The following CYP20A1 variants were observed in gnomAD, a reference collection of about 807,000 sequenced individuals.
CYP20A1 encodes cytochrome P450 20A1.
In CYP20A1, 61 loss-of-function variants were observed where a neutral mutation model predicts 61.4. That is an observed-to-expected ratio of 0.99 (90% CI 0.81 to 1.23). CYP20A1 has a LOEUF of 1.23. Ranked by LOEUF, CYP20A1 falls within the 50% of genes most tolerant of loss-of-function variation. The pLI, the probability that CYP20A1 is intolerant of heterozygous loss-of-function variation, is 0.00. For missense variants in CYP20A1, 530 were observed against 542.4 expected (o/e 0.98, Z 0.23); for synonymous variants, 193 against 188.2 (o/e 1.03, Z -0.21).
At position 203,257,857 on chromosome 2, in the gene CYP20A1, A is replaced by G. The variant is rs142439043; in HGVS notation, c.432+5748A>G. ...TTTATGGGGTACATGAGGTATTTTG[A>G]TACAGACATACAATGTGTAATAATC... is the stretch of plus-strand genomic sequence containing the variant. On this transcript the variant is annotated intron_variant, in intron 4 of 12. Transcript: ENST00000356079. Among the ~76,000 whole-genome samples the G allele has an allele frequency of 3.2e-3, 261 of 81,444 alleles. 2 individuals carry two copies. Among genetic ancestry groups the G allele is most frequent in the African/African-American group, 7.4e-3 (232 of 31,426 alleles). 53.4% of individuals were successfully genotyped at this position (81,444 alleles called of 152,430 possible).
intron 5 of CYP20A1, among the ~76,000 whole-genome samples, chr2:203,270,076 AC>A (rs1002561471): frequency 2.0e-5 from 3 of 148,454 alleles, no homozygotes; most frequent in African/African-American, 7.4e-5. Context: ...ACATGACAAA[AC>A]CCCATCTTTG....
At chr2:203,268,166 C>G (rs1389992242) in intron 5 of CYP20A1, among the ~76,000 whole-genome samples, 1 of 152,112 alleles carries the variant, frequency 6.6e-6, no homozygotes, top group Admixed American at 6.6e-5. Flanking sequence ...AGAGTAGATT[C>G]AACATTTTGC....
At position 203,304,012 on chromosome 2, in the gene CYP20A1, G is replaced by C. The variant is rs917070985; in HGVS notation, c.*7104G>C. Among the ~76,000 whole-genome samples, 5 of 152,056 alleles carry C rather than the reference G, an allele frequency of 3.3e-5. No individual in the cohort carries two copies. The highest frequency in any genetic ancestry group is 4.1e-4 in the South Asian group (2 of 4,826). ...AAGTGGGCGTATAACTTGAGGTCAG[G>C]AGTTCAAGAACAGCCTGGCCAACAT... On this transcript the variant is annotated 3_prime_UTR_variant, in exon 13 of 13. Coordinates refer to ENST00000356079, the MANE Select transcript of CYP20A1 (RefSeq NM_177538.3).
intron 1 of CYP20A1, among the ~76,000 whole-genome samples, chr2:203,240,403 A>G (rs1294873510): frequency 6.6e-6 from 1 of 152,244 alleles, no homozygotes; most frequent in African/African-American, 2.4e-5. Flanking sequence ...GCTATGTGCC[A>G]GATATGGTTC....
In CYP20A1 at chr2:203,274,768, C is replaced by T. The variant is rs143574610; in HGVS notation, c.679+2020C>T. ...GAAAAAAAAAAGCCAGTTTAATTGA[C>T]ACATTTCCTGCTATCTGGTTTTTAT... On this transcript the variant is annotated intron_variant, in intron 6 of 12. Transcript: ENST00000356079. 6.6e-4 allele frequency among the ~76,000 whole-genome samples: 100 copies of T among 151,870 alleles called. 1 individual carries two copies. Among genetic ancestry groups the T allele is most frequent in the Admixed American group, 5.0e-3 (76 of 15,256 alleles).
intron 4 of CYP20A1, among the ~76,000 whole-genome samples, chr2:203,261,908 G>C (rs1265605099): frequency 6.6e-6 from 1 of 152,092 alleles, no homozygotes; most frequent in East Asian, 1.9e-4. Flanking sequence ...TCGGGGAGTT[G>C]GCAGGGCAAG....
chr2:203,290,514 A>G (rs541683903), intron 10 of CYP20A1, among the ~76,000 whole-genome samples: 107 of 152,196 alleles, frequency 7.0e-4, no homozygotes, highest in South Asian at 2.7e-3. Context: ...TACTCTTTCT[A>G]TATTGTTCTT....
Position 203,252,004 on chromosome 2 carries a change from G to A in CYP20A1, c.327G>A (p.Arg109=). Residue 109 remains arginine, a synonymous_variant, in exon 4 of 13, where the codon AGG becomes AGA. Coordinates refer to ENST00000356079, the MANE Select transcript of CYP20A1 (RefSeq NM_177538.3). The stretch of plus-strand genomic sequence containing the variant: ...AAACCATGCTGAAGTCATTATTAAG[G>A]TATCAATCTGGTGGTGGCAGTGTGA... ...PFETMLKSLL[R]YQSGGGSVSE... The A allele has an allele frequency of 6.2e-7, 1 of 1,608,872 alleles. No homozygotes were observed. The highest frequency in any genetic ancestry group is 8.5e-7 in the Non-Finnish European group (1 of 1,177,346).
chr2:203,252,222 C>A, intron 4 of CYP20A1, 113 bp downstream of exon 4: 7 of 729,568 alleles, frequency 9.6e-6, no homozygotes, highest in African/African-American at 3.7e-5. Context: ...TCCCTCTAAG[C>A]TAATTTTATT....
At position 203,246,864 on chromosome 2, in the gene CYP20A1, G is replaced by A. The variant is rs149546776; in HGVS notation, c.232G>A (p.Val78Met). The A allele has an allele frequency of 3.1e-4, 501 of 1,614,148 alleles. 1 individual carries two copies. The highest frequency in any genetic ancestry group is 1.3e-3 in the South Asian group (118 of 91,080). ...VVSFWFGRRL[V>M]VSLGTVDVLK... ...CTCCTTCTGGTTTGGCAGGCGCCTC[G>A]TGGTTAGTTTGGGCACTGTTGATGT... The change falls in exon 3 of 13, where the codon GTG (valine) becomes ATG (methionine). Residue 78 changes from valine (V) to methionine (M), a missense_variant. Physicochemically the swap from Val to Met is conservative, Grantham distance 21 (BLOSUM62 1). Coordinates refer to ENST00000356079, the MANE Select transcript of CYP20A1 (RefSeq NM_177538.3).
intron 1 of CYP20A1, among the ~76,000 whole-genome samples, chr2:203,243,390 C>T (rs1344244406): frequency 3.8e-4 from 9 of 23,462 alleles, no homozygotes; most frequent in South Asian, 1.9e-3. Flanking sequence ...GATCCACTCT[C>T]GCCTCTTTCT....
intron 4 of CYP20A1, among the ~76,000 whole-genome samples, chr2:203,253,673 A>G (rs2066785189): frequency 6.6e-6 from 1 of 152,226 alleles, no homozygotes; most frequent in Non-Finnish European, 1.5e-5. Context: ...GGCCTTGCAT[A>G]GCTGGTGAGC....
intron 3 of CYP20A1, among the ~76,000 whole-genome samples, chr2:203,249,460 A>C (rs1414904992): frequency 6.6e-6 from 1 of 152,220 alleles, no homozygotes; most frequent in African/African-American, 2.4e-5. Flanking sequence ...TATTTTTGTT[A>C]AATAAAAAGG....
At chr2:203,243,963 T>C (rs1459009176) in intron 1 of CYP20A1, among the ~76,000 whole-genome samples, 1 of 152,180 alleles carries the variant, frequency 6.6e-6, no homozygotes, top group Non-Finnish European at 1.5e-5. Context: ...GTACTGGGAT[T>C]ATCGATGCAA....
chr2:203,280,500 C>T (rs1474879017), intron 8 of CYP20A1, among the ~76,000 whole-genome samples: 1 of 152,092 alleles, frequency 6.6e-6, no homozygotes, highest in Non-Finnish European at 1.5e-5. Context: ...CCCAGGAGTT[C>T]GAGACCAGTC....
chr2:203,243,617 C>T (rs2105891870), intron 1 of CYP20A1, among the ~76,000 whole-genome samples: 1 of 151,732 alleles, frequency 6.6e-6, no homozygotes, highest in South Asian at 2.1e-4. Context: ...CTCCTGACCT[C>T]AAGTGATCCG....
intron 1 of CYP20A1, among the ~76,000 whole-genome samples, chr2:203,241,492 A>G (rs1017080567): frequency 6.6e-6 from 1 of 152,228 alleles, no homozygotes; most frequent in Non-Finnish European, 1.5e-5. Context: ...GGATTCTCCA[A>G]TGTTAATGGT....
chr2:203,266,743 A>G, intron 5 of CYP20A1, 62 bp downstream of exon 5: 1 of 1,413,998 alleles, frequency 7.1e-7, no homozygotes, highest in South Asian at 1.2e-5. Context: ...TCACACCTGT[A>G]ATCCCAGCAC....
intron 8 of CYP20A1, 76 bp downstream of exon 8, chr2:203,280,189 C>A: frequency 8.5e-7 from 1 of 1,182,228 alleles, no homozygotes; most frequent in South Asian, 1.6e-5. Context: ...CACCTGTAAT[C>A]CCAACACTTG....
Sources: allele counts gnomAD v4.1 joint callset (sites outside exome capture counted in the v4.1 genomes callset), GRCh38; gene constraint gnomAD v4.1.1; transcripts MANE v1.5; gene names NCBI Gene and HGNC (gene_info 2026-07-23, HGNC 2026-07-21).